Variants in CUX1 observed in about 807,000 individuals in gnomAD.
CUX1 encodes the protein cut like homeobox 1, also known as protein CASP.
Under a neutral mutation model 158.8 loss-of-function variants are expected in CUX1, and 31 were observed. That is an observed-to-expected ratio of 0.20 (90% CI 0.15 to 0.26). The LOEUF is 0.26. Ranked by LOEUF, CUX1 falls within the 10% of genes least tolerant of loss-of-function variation. The pLI is 1.00. For synonymous variants in CUX1, 879 were observed against 862.1 expected, an observed-to-expected ratio of 1.02 and a Z score of -0.34; for missense variants, 1,589 against 2,014.6, an observed-to-expected ratio of 0.79 and a Z score of 4.04.
intron 2 of CUX1, among the ~76,000 whole-genome samples, chr7:102,020,600 T>A (rs1266000499): frequency 1.3e-5 from 2 of 152,000 alleles, no homozygotes; most frequent in African/African-American, 4.8e-5. Flanking sequence ...GACATTGGGG[T>A]CAGGCGTGGT....
rs55753644 is a variant in CUX1 at position 102,046,569 on chromosome 7, A to ATTTTTTTTTTTTTTTTTTTTTTTTT, written c.189+18427_189+18451dup. ...CCTGTTCTGTTTTGGTTTGGTTTGG[A>ATTTTTTTTTTTTTTTTTTTTTTTTT]TTTTTTTTTTTTTTTTTTTTTTTTT... On this transcript the variant is annotated intron_variant, in intron 3 of 23. Transcript: ENST00000292535. 1.6e-4 allele frequency among the ~76,000 whole-genome samples: 9 copies of ATTTTTTTTTTTTTTTTTTTTTTTTT among 55,478 alleles called. 1 individual carries two copies. Among genetic ancestry groups the ATTTTTTTTTTTTTTTTTTTTTTTTT allele is most frequent in the Non-Finnish European group, 2.9e-4 (9 of 31,058 alleles). The allele number at this position is 55,478 out of a possible 152,430, so 36.4% of individuals were successfully genotyped here.
At chr7:102,031,049 C>T (rs1481588888) in intron 3 of CUX1, among the ~76,000 whole-genome samples, 1 of 151,606 alleles carries the variant, frequency 6.6e-6, no homozygotes, top group African/African-American at 2.4e-5. Flanking sequence ...TCTCCATCAC[C>T]TTCATTTCTT....
intron 1 of CUX1, among the ~76,000 whole-genome samples, chr7:101,904,386 A>G (rs959348225): frequency 6.6e-6 from 1 of 152,110 alleles, no homozygotes; most frequent in Non-Finnish European, 1.5e-5. Context: ...ACCCTAAGTC[A>G]GTACTGTACT....
At chr7:101,841,139 C>T (rs971844628) in intron 1 of CUX1, among the ~76,000 whole-genome samples, 15 of 152,038 alleles carry the variant, frequency 9.9e-5, no homozygotes, top group Admixed American at 6.6e-4. Context: ...GTGATCCGCC[C>T]GCCTCGGCCT....
chr7:102,081,470 G>GT (rs1563216673), intron 4 of CUX1, among the ~76,000 whole-genome samples: 1 of 146,626 alleles, frequency 6.8e-6, no homozygotes, highest in Non-Finnish European at 1.5e-5. Context: ...TTTTATAAGT[G>GT]TTTGGCAGTT....
intron 2 of CUX1, among the ~76,000 whole-genome samples, chr7:101,959,882 T>TG (rs1292185944): frequency 1.3e-5 from 2 of 152,296 alleles, no homozygotes; most frequent in East Asian, 3.9e-4. Context: ...TGACTCTTTA[T>TG]AGGGTAATAA....
chr7:102,264,166 C>T (rs2734613), intron 14 of CUX1, among the ~76,000 whole-genome samples: 71,980 of 150,286 alleles, frequency 0.48, 17,509 homozygotes, highest in East Asian at 0.75. Context: ...CCACCGCGCC[C>T]GGCTAATTTT....
At chr7:102,270,944 A>G (rs1307007668) in intron 14 of CUX1, among the ~76,000 whole-genome samples, 5 of 152,254 alleles carry the variant, frequency 3.3e-5, no homozygotes, top group African/African-American at 9.6e-5. Flanking sequence ...CACGCACCCC[A>G]TCATCTCCCT....
intron 20 of CUX1, among the ~76,000 whole-genome samples, chr7:102,212,160 T>A (rs1244307286): frequency 6.6e-6 from 1 of 152,004 alleles, no homozygotes; most frequent in Non-Finnish European, 1.5e-5. Flanking sequence ...CAGGAGAACA[T>A]GGGTATTTGA....
intron 1 of CUX1, among the ~76,000 whole-genome samples, chr7:101,843,955 A>C (rs1438876331): frequency 2.0e-5 from 3 of 152,312 alleles, no homozygotes; most frequent in East Asian, 1.9e-4. Flanking sequence ...CCATTTGCAG[A>C]TTGGAAGTCA....
intron 2 of CUX1, among the ~76,000 whole-genome samples, chr7:101,932,070 G>A (rs565683246): frequency 1.2e-4 from 18 of 152,256 alleles, no homozygotes; most frequent in South Asian, 8.3e-4. Flanking sequence ...ATACAAAATC[G>A]TCAAAATTGA....
upstream of CUX1, chr7:101,816,037 G>A (rs1791722498): frequency 1.2e-5 from 17 of 1,431,202 alleles, no homozygotes; most frequent in Non-Finnish European, 1.5e-5. Context: ...CAAGATGGCG[G>A]CCAATGTGGG....
At chr7:102,211,266 T>G (rs1260674852) in intron 20 of CUX1, among the ~76,000 whole-genome samples, 14 of 140,920 alleles carry the variant, frequency 9.9e-5, no homozygotes, top group South Asian at 2.3e-4. Flanking sequence ...GCCAACATGG[T>G]GAAACTCGGT....
At chr7:102,139,244 T>TAAAA (rs11459794) in intron 8 of CUX1, among the ~76,000 whole-genome samples, 16 of 93,142 alleles carry the variant, frequency 1.7e-4, no homozygotes, top group African/African-American at 4.4e-4. Flanking sequence ...GACTACATCT[T>TAAAA]AAAAAAAAAA....
intron 1 of CUX1, among the ~76,000 whole-genome samples, chr7:101,895,160 A>G (rs553445545): frequency 6.6e-6 from 1 of 152,194 alleles, no homozygotes; most frequent in Admixed American, 6.5e-5. Context: ...AGCTGGGATT[A>G]CAGGCATGCA....
At chr7:102,188,367 T>C (rs1348263993) in intron 11 of CUX1, among the ~76,000 whole-genome samples, 5 of 152,134 alleles carry the variant, frequency 3.3e-5, no homozygotes, top group African/African-American at 1.2e-4. Context: ...TATGTAGAGT[T>C]GCCTCATTTC....
At chr7:102,202,367 T>C (rs112555648) in intron 18 of CUX1, among the ~76,000 whole-genome samples, 163 bp downstream of exon 18, 3 of 152,244 alleles carry the variant, frequency 2.0e-5, no homozygotes, top group Non-Finnish European at 4.4e-5. Context: ...CTGGTGAACA[T>C]TGCAGCCCCG....
intron 8 of CUX1, among the ~76,000 whole-genome samples, chr7:102,135,553 A>G (rs1417604155): frequency 6.8e-6 from 1 of 147,068 alleles, no homozygotes; most frequent in Non-Finnish European, 1.5e-5. Flanking sequence ...TTGAGGGTCA[A>G]CTTGTGTGTG....
At chr7:102,057,719 G>C (rs1382063047) in intron 3 of CUX1, among the ~76,000 whole-genome samples, 1 of 152,198 alleles carries the variant, frequency 6.6e-6, no homozygotes, top group African/African-American at 2.4e-5. Flanking sequence ...TGCTTCTTAT[G>C]ATGAGCAAAG....
Sources: allele counts gnomAD v4.1 joint callset (sites outside exome capture counted in the v4.1 genomes callset), GRCh38; gene constraint gnomAD v4.1.1; transcripts MANE v1.5; gene names NCBI Gene and HGNC (gene_info 2026-07-23, HGNC 2026-07-21).